FBXO41: variants seen among roughly 807,000 people sequenced by gnomAD.
FBXO41 encodes F-box protein 41.
FBXO41 carries 33 observed loss-of-function variants against 81.6 expected under a neutral mutation model. That is an observed-to-expected ratio of 0.40 (90% CI 0.31 to 0.54). FBXO41 has a LOEUF of 0.54. Among genes scored for constraint, FBXO41 ranks in the 20% least tolerant of loss-of-function variants. The pLI, the probability that FBXO41 is intolerant of heterozygous loss-of-function variation, is 0.39. For synonymous variants in FBXO41, 576 were observed against 552.7 expected (o/e 1.04, Z -0.59); for missense variants, 1,107 against 1,236.0 (o/e 0.90, Z 1.56).
chr2:73,278,843 A>T (rs1277737795), intron 1 of FBXO41, among the ~76,000 whole-genome samples: 1 of 152,244 alleles, frequency 6.6e-6, no homozygotes, highest in East Asian at 1.9e-4. Flanking sequence ...CCTTCAGGGA[A>T]CTAAAATGTA....
chr2:73,277,329 C>T (rs1002732294), intron 1 of FBXO41, among the ~76,000 whole-genome samples: 2 of 152,142 alleles, frequency 1.3e-5, no homozygotes, highest in Admixed American at 1.3e-4. Flanking sequence ...TGCTTGAATG[C>T]AGGCAAGAGG....
intron 1 of FBXO41, among the ~76,000 whole-genome samples, chr2:73,280,308 A>G (rs955042449): frequency 5.3e-5 from 8 of 152,252 alleles, no homozygotes; most frequent in African/African-American, 1.9e-4. Context: ...ATATTGTCTA[A>G]CTGGAGTCTA....
intron 1 of FBXO41, among the ~76,000 whole-genome samples, chr2:73,275,091 G>A (rs1046076276): frequency 3.3e-5 from 5 of 151,632 alleles, no homozygotes; most frequent in Non-Finnish European, 5.9e-5. Flanking sequence ...GGGTTTCACT[G>A]TGTTAGCCAG....
intron 1 of FBXO41, chr2:73,270,728 C>T (rs1688467286): frequency 5.9e-6 from 3 of 511,618 alleles, no homozygotes; most frequent in East Asian, 1.1e-4. Context: ...ATTCTGGCAT[C>T]CCAACCCTCC....
At position 73,269,151 on chromosome 2, in the gene FBXO41, G is replaced by A; in HGVS notation, c.480C>T (p.Arg160=). 1.3e-6 allele frequency: 2 copies of A among 1,523,222 alleles called. No individual in the cohort carries two copies. Among genetic ancestry groups the A allele is most frequent in the African/African-American group, 1.4e-5 (1 of 70,258 alleles). 94.4% of individuals were successfully genotyped at this position (1,523,222 alleles called of 1,614,324 possible). A position where few individuals can be genotyped will look rare whatever the true frequency, so the allele number is the denominator to read the frequency against. ...AGCACGCCGAGGACGCCACGGACTT[G>A]CGGGCGAACAGCTCCCCCAGCGGGA... is the stretch of plus-strand genomic sequence containing the variant. ...IEIPLGELFA[R]KSVASSACST... Residue 160 remains arginine (R), a synonymous_variant, in exon 2 of 13, where the codon CGC becomes CGT. Transcript: ENST00000520530. This position sits in a 1 kb window ranked among gnomAD's most constrained non-coding sequence, Gnocchi z 7.0.
intron 1 of FBXO41, among the ~76,000 whole-genome samples, chr2:73,271,675 G>A (rs1393438759): frequency 1.4e-5 from 2 of 144,950 alleles, no homozygotes; most frequent in Non-Finnish European, 3.0e-5. Flanking sequence ...CTTTCACCTG[G>A]GCTGGAGTGC....
rs1688002395 is a variant in FBXO41 at position 73,260,942 on chromosome 2, G to T, written c.2172-84C>A. ...TGCTCCTCCTGTGGGACCCCTCCCT[G>T]ACTCAGGCAAGCATTCCTCCAACAA... On this transcript the variant is annotated intron_variant, in intron 9 of 12. Coordinates refer to ENST00000520530, the MANE Select transcript of FBXO41 (RefSeq NM_001371389.2). The surrounding 1 kb of genome is among the most constrained non-coding windows in gnomAD (Gnocchi z 5.0). 1 of 1,175,864 alleles carries T rather than the reference G, an allele frequency of 8.5e-7. No homozygotes were observed. Among genetic ancestry groups the T allele is most frequent in the Admixed American group, 2.3e-5 (1 of 42,650 alleles). 72.8% of individuals were successfully genotyped at this position (1,175,864 alleles called of 1,614,324 possible). A position where few individuals can be genotyped will look rare whatever the true frequency, so the allele number is the denominator to read the frequency against.
At chr2:73,270,706 AT>A in intron 1 of FBXO41, 4 of 475,970 alleles carry the variant, frequency 8.4e-6, no homozygotes, top group South Asian at 6.3e-5. Context: ...AGGTCCCTCC[AT>A]CCCCCCACCA....
rs1045902 is a variant in FBXO41 at position 73,255,929 on chromosome 2, T to C, written c.*3053A>G. 0.55 allele frequency: 84,289 copies of C among 152,172 alleles called. 25,047 individuals are homozygous for C. Among genetic ancestry groups the C allele is most frequent in the African/African-American group, 0.8 (33,068 of 41,496 alleles). The allele number at this position is 152,172 out of a possible 1,614,324, so 9.4% of individuals were successfully genotyped here. ...TGGTCTCTCCTGGCTGGGGAAAGGC[T>C]GTGGTGCTGGGCTGGGCAGGCCACC... On this transcript the variant is annotated 3_prime_UTR_variant, in exon 13 of 13. Coordinates refer to ENST00000520530, the MANE Select transcript of FBXO41 (RefSeq NM_001371389.2).
At chr2:73,264,226 G>A in intron 6 of FBXO41, 52 bp downstream of exon 6, 1 of 1,609,790 alleles carries the variant, frequency 6.2e-7, no homozygotes, top group Non-Finnish European at 8.5e-7. Flanking sequence ...ATTCTACCCA[G>A]GGGGAAAGGT....
Position 73,264,454 on chromosome 2 carries a change from C to T in FBXO41, c.1630G>A (p.Glu544Lys), listed in dbSNP as rs1214800384. Residue 544 changes from glutamate to lysine, a missense_variant, in exon 6 of 13, where the codon GAG becomes AAG. Glu to Lys is a moderately conservative substitution (Grantham distance 56). Coordinates refer to ENST00000520530, the MANE Select transcript of FBXO41 (RefSeq NM_001371389.2). ...AERVSPSRSN[E>K]VISPEILKMR... ...TTCAGGATCTCTGGGCTGATGACCT[C>T]ATTGGAGCGTGAGGGGCTGACCCTC... is the stretch of plus-strand genomic sequence containing the variant. 7 of 1,613,962 alleles carry T rather than the reference C, an allele frequency of 4.3e-6. No individual in the cohort carries two copies. The highest frequency in any genetic ancestry group is 5.9e-6 in the Non-Finnish European group (7 of 1,179,902).
intron 1 of FBXO41, among the ~76,000 whole-genome samples, chr2:73,272,626 T>C (rs904530557): frequency 6.6e-6 from 1 of 152,214 alleles, no homozygotes. Context: ...CTCCCCAAAG[T>C]TGGAGTTTGC....
chr2:73,258,973 C>G lies in FBXO41; in HGVS notation c.*9G>C. The G allele has an allele frequency of 6.4e-7, 1 of 1,568,440 alleles. No homozygotes were observed. The highest frequency in any genetic ancestry group is 1.4e-5 in the African/African-American group (1 of 73,650). On this transcript the variant is annotated 3_prime_UTR_variant, in exon 13 of 13. Transcript: ENST00000520530. ...GGGCTGGCAGGGGCCCTGCCGCCCC[C>G]TACCCGGGTTAGCAGCCGCCTTCCA...
Position 73,255,329 on chromosome 2 carries a change from C to G in FBXO41, c.*3653G>C, listed in dbSNP as rs1187286822. The G allele has an allele frequency of 1.3e-5, 2 of 152,680 alleles. No individual in the cohort carries two copies. Among genetic ancestry groups the G allele is most frequent in the Non-Finnish European group, 2.9e-5 (2 of 68,132 alleles). The allele number at this position is 152,680 out of a possible 1,614,324, so 9.5% of individuals were successfully genotyped here. A position where few individuals can be genotyped will look rare whatever the true frequency, so the allele number is the denominator to read the frequency against. On this transcript the variant is annotated 3_prime_UTR_variant, in exon 13 of 13. Transcript: ENST00000520530. ...CCTGGTATTCTGATCTTTACCCAAT[C>G]CTAAACCTTATCCTCAGGCAAGGGC...
Position 73,257,869 on chromosome 2 carries a change from G to C in FBXO41, c.*1113C>G, listed in dbSNP as rs1170513802. ...CCGTGGAGACCAAGGAAGGGGGAGT[G>C]AGTCTATTGAGGATGCTCTTCCTCT... On this transcript the variant is annotated 3_prime_UTR_variant, in exon 13 of 13. Coordinates refer to ENST00000520530, the MANE Select transcript of FBXO41 (RefSeq NM_001371389.2). The surrounding 1 kb of genome is among the most constrained non-coding windows in gnomAD (Gnocchi z 4.6). The C allele has an allele frequency of 6.6e-6, 1 of 152,218 alleles. No individual in the cohort carries two copies. The allele number at this position is 152,218 out of a possible 1,614,324, so 9.4% of individuals were successfully genotyped here.
chr2:73,268,687 C>T, intron 2 of FBXO41, 39 bp downstream of exon 2: 1 of 1,477,222 alleles, frequency 6.8e-7, no homozygotes, highest in South Asian at 1.4e-5. Context: ...GTGACCCGCA[C>T]AGGCACAACC....
chr2:73,269,651 ACGCGGGCTCCAC>A lies in FBXO41; in HGVS notation c.-33_-22del. 8.6e-7 allele frequency: 1 copy of A among 1,166,888 alleles called. No homozygotes were observed. The highest frequency in any genetic ancestry group is 1.1e-6 in the Non-Finnish European group (1 of 948,822). 72.3% of individuals were successfully genotyped at this position (1,166,888 alleles called of 1,614,324 possible). ...GCCATGGCCCCGCCGCCCCCGCGGC[ACGCGGGCTCCAC>A]CGCGGCCGCCCCGCCGGTCAGCCGG... On this transcript the variant is annotated 5_prime_UTR_variant, in exon 2 of 13. Coordinates refer to ENST00000520530, the MANE Select transcript of FBXO41 (RefSeq NM_001371389.2). This position sits in a 1 kb window ranked among gnomAD's most constrained non-coding sequence, Gnocchi z 7.0.
rs550882428 is a variant in FBXO41 at position 73,268,076 on chromosome 2, G to A, written c.905+650C>T. 5.9e-5 allele frequency among the ~76,000 whole-genome samples: 9 copies of A among 152,270 alleles called. No homozygotes were observed. In the East Asian group the frequency reaches 7.7e-4, roughly 13 times the overall value. On this transcript the variant is annotated intron_variant, in intron 2 of 12. Transcript: ENST00000520530. The stretch of plus-strand genomic sequence containing the variant: ...TAGAAGGAAATCCCAAGAGTGTCCC[G>A]GAAGCCAAGTGAAGAAGGCATGTCA...
At position 73,269,279 on chromosome 2, in the gene FBXO41, A is replaced by T; in HGVS notation, c.352T>A (p.Phe118Ile). ...HHHHHAPLAH[F>I]PGDLVPASLP... ...CTAGCGGGCACCAGGTCGCCGGGGAAGTGGGCGAGGGGAGCGTGGTGATGG... is the reference window on the plus strand; with the variant it reads ...CTAGCGGGCACCAGGTCGCCGGGGATGTGGGCGAGGGGAGCGTGGTGATGG... Residue 118 changes from phenylalanine to isoleucine, a missense_variant, in exon 2 of 13, where the codon TTC becomes ATC. This residue lies in a region of FBXO41 where 771 missense variants were observed against 789.2 expected (regional missense o/e 0.98). Transcript: ENST00000520530. The surrounding 1 kb of genome is among the most constrained non-coding windows in gnomAD (Gnocchi z 7.0). The T allele has an allele frequency of 6.5e-7, 1 of 1,530,818 alleles. No homozygotes were observed. Among genetic ancestry groups the T allele is most frequent in the East Asian group, 2.6e-5 (1 of 38,390 alleles). The allele number at this position is 1,530,818 out of a possible 1,614,324, so 94.8% of individuals were successfully genotyped here. A position where few individuals can be genotyped will look rare whatever the true frequency, so the allele number is the denominator to read the frequency against.
Sources: gnomAD v4.1 joint callset for allele counts (sites outside exome capture counted in the v4.1 genomes callset) on GRCh38, gnomAD v4.1.1 for gene constraint, gnomAD v4.1.1 regional missense constraint, Gnocchi (gnomAD v3.1) non-coding constraint, MANE v1.5 for transcripts, NCBI Gene and HGNC (gene_info 2026-07-23, HGNC 2026-07-21) for gene names.